Variants in JAK1 observed in about 807,000 individuals in gnomAD.
The protein encoded by JAK1 is tyrosine-protein kinase JAK1.
JAK1 carries 16 observed loss-of-function variants against 136.6 expected under a neutral mutation model. The ratio of observed to expected loss-of-function variants is 0.12; its 90% CI spans 0.08 to 0.18. The LOEUF is 0.18. Among genes scored for constraint, JAK1 ranks in the 10% least tolerant of loss-of-function variants. The pLI is 1.00. For missense variants in JAK1, 859 were observed against 1,450.1 expected (o/e 0.59, Z 6.62); for synonymous variants, 492 against 519.5 (o/e 0.95, Z 0.72).
At chr1:64,961,585 CCCT>C (rs1429460251) in intron 1 of JAK1, among the ~76,000 whole-genome samples, 1 of 152,142 alleles carries the variant, frequency 6.6e-6, no homozygotes, top group Admixed American at 6.5e-5. Flanking sequence ...TCCTTCCGCT[CCCT>C]CCCAAGCAGT....
At chr1:65,060,489 A>G (rs1271876039) in intron 1 of JAK1, among the ~76,000 whole-genome samples, 1 of 152,228 alleles carries the variant, frequency 6.6e-6, no homozygotes, top group African/African-American at 2.4e-5. Flanking sequence ...AGTGTACTGC[A>G]AAGTTGAAAT....
chr1:64,842,849 T>C (rs1364818409), intron 17 of JAK1, among the ~76,000 whole-genome samples: 1 of 152,190 alleles, frequency 6.6e-6, no homozygotes, highest in Non-Finnish European at 1.5e-5. Flanking sequence ...TTAAGATCCT[T>C]TCCCAAGTCC....
intron 4 of JAK1, among the ~76,000 whole-genome samples, chr1:64,877,844 T>C (rs578253866): frequency 1.3e-5 from 2 of 152,110 alleles, no homozygotes; most frequent in Non-Finnish European, 2.9e-5. Flanking sequence ...ACAAAGCCAA[T>C]AGCCAGAAGG....
chr1:64,985,406 C>T, intron 2 of JAK1: 1 of 1,610,246 alleles, frequency 6.2e-7, no homozygotes, highest in South Asian at 1.1e-5. Flanking sequence ...CCTGGGTGCC[C>T]CACAACCACT....
intron 2 of JAK1, among the ~76,000 whole-genome samples, chr1:64,999,214 C>T (rs1359126805): frequency 6.6e-6 from 1 of 152,186 alleles, no homozygotes; most frequent in East Asian, 1.9e-4. Flanking sequence ...AAAGTCCAAA[C>T]CTTCTCAGCA....
intron 2 of JAK1, among the ~76,000 whole-genome samples, chr1:64,885,855 A>G (rs1402119679): frequency 6.6e-6 from 1 of 152,246 alleles, no homozygotes; most frequent in Non-Finnish European, 1.5e-5. Flanking sequence ...GTCAAAAAGG[A>G]TAACATAAAG....
At chr1:65,064,784 C>A (rs756900866) in intron 1 of JAK1, among the ~76,000 whole-genome samples, 1 of 152,336 alleles carries the variant, frequency 6.6e-6, no homozygotes, top group Non-Finnish European at 1.5e-5. Context: ...GCCCTCCTAG[C>A]TTCCTGAAAC....
chr1:64,859,251 G>A (rs61784701), intron 9 of JAK1, among the ~76,000 whole-genome samples: 7,932 of 152,304 alleles, frequency 0.052, 309 homozygotes, highest in African/African-American at 0.11. Context: ...ACAGCAGCTG[G>A]CTGTTTTCCT....
intron 5 of JAK1, among the ~76,000 whole-genome samples, 189 bp downstream of exon 5, chr1:64,873,181 C>T (rs139811346): frequency 6.4e-4 from 98 of 152,312 alleles, no homozygotes; most frequent in Admixed American, 1.5e-3. Flanking sequence ...GATAACCAGC[C>T]TCTTGGAAAG....
intron 2 of JAK1, among the ~76,000 whole-genome samples, chr1:65,039,996 C>T (rs890787634): frequency 6.6e-6 from 1 of 152,138 alleles, no homozygotes; most frequent in African/African-American, 2.4e-5. Context: ...GGGTGGATCA[C>T]CTGAGGTCAG....
At chr1:65,058,133 T>C (rs1647631823) in intron 1 of JAK1, among the ~76,000 whole-genome samples, 1 of 152,154 alleles carries the variant, frequency 6.6e-6, no homozygotes, top group Non-Finnish European at 1.5e-5. Context: ...ATAAAAATGG[T>C]ACGAAGTTCT....
chr1:64,869,323 G>A lies in JAK1; in HGVS notation c.635C>T (p.Pro212Leu). The A allele has an allele frequency of 6.2e-7, 1 of 1,613,682 alleles. No individual in the cohort carries two copies. Among genetic ancestry groups the A allele is most frequent in the African/African-American group, 1.3e-5 (1 of 74,986 alleles). ...MMKKMQLPEL[P>L]KDISYKRYIP... ...TGGGAAGCTTTACCTGATGTCCTTGGGCAGTTCTGGCAACTGCATCTTCTT... is the reference window on the plus strand; with the variant it reads ...TGGGAAGCTTTACCTGATGTCCTTGAGCAGTTCTGGCAACTGCATCTTCTT... The change falls in exon 6 of 25, where the codon CCC (proline) becomes CTC (leucine). Residue 212 changes from proline to leucine, a missense_variant. Transcript: ENST00000342505.
chr1:64,968,971 A>G (rs1041699778), upstream of JAK1, among the ~76,000 whole-genome samples: 1 of 147,864 alleles, frequency 6.8e-6, no homozygotes, highest in Non-Finnish European at 1.5e-5. Context: ...CTAGCTGGGC[A>G]TGGTGGCACA....
At chr1:65,033,750 A>G (rs1037976064) in intron 2 of JAK1, among the ~76,000 whole-genome samples, 1 of 151,120 alleles carries the variant, frequency 6.6e-6, no homozygotes, top group Non-Finnish European at 1.5e-5. Flanking sequence ...AAAAGGAAAC[A>G]CTTCCGTATA....
chr1:64,955,216 C>T (rs11208555), intron 1 of JAK1, among the ~76,000 whole-genome samples: 1,913 of 152,232 alleles, frequency 0.013, 41 homozygotes, highest in African/African-American at 0.044. Context: ...GGTTCCTGTC[C>T]TCAAGGGCCT....
chr1:64,852,094 T>C lies in JAK1; in HGVS notation c.1649-1184A>G, dbSNP rs535777379. On this transcript the variant is annotated intron_variant, in intron 11 of 24. Coordinates refer to ENST00000342505, the MANE Select transcript of JAK1 (RefSeq NM_002227.4). ...TATCCCTCAGGACAGGGCATTCTTT[T>C]CCTTTCTAATTTTTTAAGCTCACAT... 5.9e-5 allele frequency among the ~76,000 whole-genome samples: 9 copies of C among 152,138 alleles called. No individual in the cohort carries two copies. The South Asian group carries it at 1.9e-3, about 32-fold the overall frequency.
intron 1 of JAK1, among the ~76,000 whole-genome samples, chr1:65,055,980 A>G (rs1647517385): frequency 6.6e-6 from 1 of 152,244 alleles, no homozygotes; most frequent in South Asian, 2.1e-4. Flanking sequence ...AGATCAGGGA[A>G]GGTGGTGAAA....
Position 64,984,903 on chromosome 1 carries a change from C to T in JAK1, c.-78+59577G>A. ...GCCGGCCACTGCCATCACAGCTGGG[C>T]CAGGGCCCTGGCTGAAGAGTTCAGC... On this transcript the variant is annotated intron_variant, in intron 2 of 25. Transcript: ENST00000671954. This position sits in a 1 kb window ranked among gnomAD's most constrained non-coding sequence, Gnocchi z 4.1. 1 of 1,184,092 alleles carries T rather than the reference C, an allele frequency of 8.4e-7. No individual in the cohort carries two copies. Among genetic ancestry groups the T allele is most frequent in the Non-Finnish European group, 1.3e-6 (1 of 791,940 alleles). 73.3% of individuals were successfully genotyped at this position (1,184,092 alleles called of 1,614,324 possible).
chr1:64,989,000 G>GTATATATATATATA (rs1343195557), intron 2 of JAK1, among the ~76,000 whole-genome samples: 1 of 91,866 alleles, frequency 1.1e-5, no homozygotes, highest in Non-Finnish European at 2.1e-5. Flanking sequence ...GTGTGTGTGT[G>GTATATATATATATA]TGTATATATA....
Sources: gnomAD v4.1 joint callset for allele counts (sites outside exome capture counted in the v4.1 genomes callset) on GRCh38, gnomAD v4.1.1 for gene constraint, Gnocchi (gnomAD v3.1) non-coding constraint, MANE v1.5 for transcripts, NCBI Gene and HGNC (gene_info 2026-07-23, HGNC 2026-07-21) for gene names.